The following NHLRC2 variants were observed in gnomAD, a reference collection of about 807,000 sequenced individuals.
NHLRC2 encodes the protein NHL repeat-containing protein 2.
NHLRC2 carries 33 observed loss-of-function variants against 68.1 expected under a neutral mutation model. That is an observed-to-expected ratio of 0.48 (90% CI 0.37 to 0.65). The LOEUF (loss-of-function observed/expected upper bound fraction) is 0.65, where lower values mean the gene tolerates loss of function less well. Ranked by LOEUF, NHLRC2 falls within the 30% of genes least tolerant of loss-of-function variation. The probability of loss-of-function intolerance (pLI) is 0.00; values close to 1 mark genes in which losing one functional copy is unlikely to be tolerated. For synonymous variants in NHLRC2, 311 were observed against 309.6 expected (o/e 1.00, Z -0.05); for missense variants, 761 against 853.8 (o/e 0.89, Z 1.35).
At chr10:113,888,534 G>A (rs1410482012) in intron 5 of NHLRC2, among the ~76,000 whole-genome samples, 1 of 152,034 alleles carries the variant, frequency 6.6e-6, no homozygotes, top group African/African-American at 2.4e-5. Flanking sequence ...ATGTGTTTAT[G>A]TATTTTAAAT....
intron 4 of NHLRC2, among the ~76,000 whole-genome samples, chr10:113,882,931 A>G (rs1846048141): frequency 6.6e-6 from 1 of 151,892 alleles, no homozygotes; most frequent in Non-Finnish European, 1.5e-5. Flanking sequence ...CCCCAGAAAC[A>G]TTTGTCCAAA....
At chr10:113,864,131 C>T (rs1845841527) in intron 2 of NHLRC2, among the ~76,000 whole-genome samples, 1 of 152,102 alleles carries the variant, frequency 6.6e-6, no homozygotes, top group Non-Finnish European at 1.5e-5. Flanking sequence ...ATGCCACTTA[C>T]AAAAATTCAA....
rs755627930 is a variant in NHLRC2, at chr10:113,914,626, A to G, written c.*6090A>G. 1 of 217,850 alleles carries G rather than the reference A, an allele frequency of 4.6e-6. No homozygotes were observed. The highest frequency in any genetic ancestry group is 9.2e-6 in the Non-Finnish European group (1 of 108,352). The allele number at this position is 217,850 out of a possible 1,614,324, so 13.5% of individuals were successfully genotyped here. The stretch of plus-strand genomic sequence containing the variant: ...AGGAATTTTGTTAATTTTGTTATAA[A>G]CTCCCTCTCCTGAAATCCGTAAGGA... On this transcript the variant is annotated 3_prime_UTR_variant, in exon 11 of 11. Coordinates refer to ENST00000369301, the MANE Select transcript of NHLRC2 (RefSeq NM_198514.4).
chr10:113,907,749 T>C (rs1846289808), intron 10 of NHLRC2, among the ~76,000 whole-genome samples: 1 of 152,196 alleles, frequency 6.6e-6, no homozygotes, highest in African/African-American at 2.4e-5. Context: ...TGTTTCTAAA[T>C]AAAGTGTGTG....
chr10:113,896,158 A>C (rs1203135255), intron 5 of NHLRC2, among the ~76,000 whole-genome samples: 1 of 152,128 alleles, frequency 6.6e-6, no homozygotes, highest in Non-Finnish European at 1.5e-5. Context: ...CAGCAATCCT[A>C]TTACTGGGTA....
Position 113,904,839 on chromosome 10 carries a change from A to C in NHLRC2, c.1727A>C (p.Asn576Thr). The C allele has an allele frequency of 6.2e-7, 1 of 1,613,746 alleles. No individual in the cohort carries two copies. The highest frequency in any genetic ancestry group is 8.5e-7 in the Non-Finnish European group (1 of 1,179,722). Reference sequence around the variant, plus strand: ...TAGCTCCCCATCTTCAGATCTGAAAATGCTGTGGTAGATGGCCCGTTCCTA... The same window carrying C: ...TAGCTCCCCATCTTCAGATCTGAAACTGCTGTGGTAGATGGCCCGTTCCTA... Reference protein sequence around the residue: ...VSVLPIFRSENAVVDGPFLVE... With the variant: ...VSVLPIFRSETAVVDGPFLVE... The change falls in exon 10 of 11, where the codon AAT (asparagine) becomes ACT (threonine). Residue 576 changes from asparagine (N) to threonine (T), a missense_variant. Asn to Thr is a moderately conservative substitution (Grantham distance 65). Transcript: ENST00000369301.
In NHLRC2 at chr10:113,854,869, A is replaced by C; in HGVS notation, c.-4A>C. On this transcript the variant is annotated 5_prime_UTR_variant, in exon 1 of 11. Coordinates refer to ENST00000369301, the MANE Select transcript of NHLRC2 (RefSeq NM_198514.4). ...GGCGGCCGCATCGGGAGCCCGGCGGAAACATGGCGGCGCCCGGAGGCCGGG... is the reference window on the plus strand; with the variant it reads ...GGCGGCCGCATCGGGAGCCCGGCGGCAACATGGCGGCGCCCGGAGGCCGGG... 2 of 1,539,384 alleles carry C rather than the reference A, an allele frequency of 1.3e-6. No individual in the cohort carries two copies. Among genetic ancestry groups the C allele is most frequent in the East Asian group, 2.5e-5 (1 of 40,714 alleles).
rs1446370081 is a variant in NHLRC2, at chr10:113,876,609, C to T, written c.420C>T (p.Asn140=). 1 of 1,613,612 alleles carries T rather than the reference C, an allele frequency of 6.2e-7. No homozygotes were observed. The highest frequency in any genetic ancestry group is 2.2e-5 in the East Asian group (1 of 44,866). The stretch of plus-strand genomic sequence containing the variant: ...TTAAGAGTGCTGTTCTTCGATACAA[C>T]ATCACCCACCCTATGGTTAATGATG... ...DNIKSAVLRY[N]ITHPMVNDAD... Residue 140 remains asparagine (N), a synonymous_variant, in exon 3 of 11, where the codon AAC becomes AAT. Coordinates refer to ENST00000369301, the MANE Select transcript of NHLRC2 (RefSeq NM_198514.4).
At position 113,876,841 on chromosome 10, in the gene NHLRC2, T is replaced by G. The variant is rs1386560512; in HGVS notation, c.652T>G (p.Leu218Val). The G allele has an allele frequency of 6.2e-7, 1 of 1,613,162 alleles. No homozygotes were observed. The highest frequency in any genetic ancestry group is 8.5e-7 in the Non-Finnish European group (1 of 1,179,374). Reference protein sequence around the residue: ...KIGIKLYKDSLPPSPLLFPGK... With the variant: ...KIGIKLYKDSVPPSPLLFPGK... ...TGGAATAAAACTCTATAAAGATTCT[T>G]TGCCACCTTCACCATTGCTATTTCC... The change falls in exon 3 of 11, where the codon TTG becomes GTG. Residue 218 changes from leucine to valine, a missense_variant. By Grantham distance (32) the Leu-to-Val change is conservative. Coordinates refer to ENST00000369301, the MANE Select transcript of NHLRC2 (RefSeq NM_198514.4).
chr10:113,905,018 T>C lies in NHLRC2; in HGVS notation c.1906T>C (p.Trp636Arg). Residue 636 changes from tryptophan to arginine, a missense_variant, in exon 10 of 11, where the codon TGG becomes CGG. Physicochemically the swap from Trp to Arg is moderately radical, Grantham distance 101. Transcript: ENST00000369301. ...GCTAACTGAAGGAGTATCCAGTTGC[T>C]GGTTTCTAACAGCTGAAGGTATGAG... The part of the protein sequence containing the change: ...SKLTEGVSSC[W>R]FLTAEGNEWL... The C allele has an allele frequency of 6.6e-7, 1 of 1,524,738 alleles. No homozygotes were observed. Among genetic ancestry groups the C allele is most frequent in the Non-Finnish European group, 8.8e-7 (1 of 1,137,242 alleles). 94.5% of individuals were successfully genotyped at this position (1,524,738 alleles called of 1,614,324 possible). A position where few individuals can be genotyped will look rare whatever the true frequency, so the allele number is the denominator to read the frequency against.
At chr10:113,879,097 A>G (rs1239472088) in intron 3 of NHLRC2, among the ~76,000 whole-genome samples, 1 of 152,182 alleles carries the variant, frequency 6.6e-6, no homozygotes, top group Non-Finnish European at 1.5e-5. Context: ...GAAATAGTAG[A>G]TAAGAAGGAT....
At chr10:113,868,946 T>C (rs961495024) in intron 2 of NHLRC2, among the ~76,000 whole-genome samples, 11 of 152,152 alleles carry the variant, frequency 7.2e-5, no homozygotes, top group Non-Finnish European at 4.4e-5. Context: ...AGTCCTAGAA[T>C]ATACTGCAGG....
At chr10:113,872,237 G>A (rs945788629) in intron 2 of NHLRC2, among the ~76,000 whole-genome samples, 33 of 152,036 alleles carry the variant, frequency 2.2e-4, no homozygotes, top group African/African-American at 6.8e-4. Context: ...AAGCGTATAT[G>A]AAGGAAAAGG....
intron 2 of NHLRC2, among the ~76,000 whole-genome samples, chr10:113,861,609 G>A (rs1165128195): frequency 6.6e-6 from 1 of 152,154 alleles, no homozygotes; most frequent in African/African-American, 2.4e-5. Flanking sequence ...ATAAATAAAA[G>A]CTAAGGGAGT....
chr10:113,903,466 TC>T, intron 8 of NHLRC2, 60 bp from the exon 9 acceptor site: 1 of 1,008,232 alleles, frequency 9.9e-7, no homozygotes, highest in Non-Finnish European at 1.6e-6. Flanking sequence ...ACCATACTCT[TC>T]CATACAACAA....
intron 5 of NHLRC2, among the ~76,000 whole-genome samples, chr10:113,886,147 TA>T (rs940289971): frequency 1.3e-5 from 2 of 152,034 alleles, no homozygotes; most frequent in African/African-American, 4.8e-5. Flanking sequence ...CAGCAGCATT[TA>T]AAAAAGTAAA....
At chr10:113,899,510 G>A (rs868839501) in intron 6 of NHLRC2, among the ~76,000 whole-genome samples, 6 of 152,198 alleles carry the variant, frequency 3.9e-5, no homozygotes, top group Admixed American at 2.0e-4. Context: ...GATGAAATAT[G>A]CTCACTATGT....
At chr10:113,878,473 AC>A (rs1344205231) in intron 3 of NHLRC2, among the ~76,000 whole-genome samples, 1 of 152,146 alleles carries the variant, frequency 6.6e-6, no homozygotes, top group Non-Finnish European at 1.5e-5. Flanking sequence ...TTCCCAAATC[AC>A]CAGCTAGAAA....
intron 10 of NHLRC2, among the ~76,000 whole-genome samples, chr10:113,906,737 C>T (rs1846278619): frequency 6.6e-6 from 1 of 152,156 alleles, no homozygotes; most frequent in Non-Finnish European, 1.5e-5. Context: ...CGCCTGTAAT[C>T]CCAGCACTTT....
Sources: allele counts gnomAD v4.1 joint callset (sites outside exome capture counted in the v4.1 genomes callset), GRCh38; gene constraint gnomAD v4.1.1; transcripts MANE v1.5; gene names NCBI Gene and HGNC (gene_info 2026-07-23, HGNC 2026-07-21).